The following ICAM2 variants were observed in gnomAD, a reference collection of about 807,000 sequenced individuals.
ICAM2 encodes the protein ICAM-2.
ICAM2 carries 14 observed loss-of-function variants against 19.1 expected under a neutral mutation model. The observed-to-expected ratio is 0.73, with a 90% CI of 0.48 to 1.15. The LOEUF (loss-of-function observed/expected upper bound fraction) is 1.15. Among genes scored for constraint, ICAM2 ranks in the 50% most tolerant of loss-of-function variants. The pLI is 0.00. For missense variants in ICAM2, 311 were observed against 355.4 expected, an observed-to-expected ratio of 0.88 and a Z score of 1.00; for synonymous variants, 153 against 152.7, an observed-to-expected ratio of 1.00 and a Z score of -0.01.
rs150320564 is a variant in ICAM2, at chr17:64,003,754, T to C, written c.539A>G (p.Asp180Gly). ...GAAGTTGCGGTGGCCATCCTCTCTG[T>C]CAGCCGTGCTGTTGAATGTGGCTGT... ...EATATFNSTA[D>G]REDGHRNFSC... is the part of the protein sequence containing the mutation. The change falls in exon 4 of 5, where the codon GAC becomes GGC. Residue 180 changes from aspartate (D) to glycine (G), a missense_variant. Physicochemically the swap from Asp to Gly is moderately conservative, Grantham distance 94 (BLOSUM62 -1). Coordinates refer to ENST00000579788, the MANE Select transcript of ICAM2 (RefSeq NM_001099789.2). The C allele has an allele frequency of 2.5e-4, 409 of 1,614,116 alleles. 1 individual carries two copies. Among genetic ancestry groups the C allele is most frequent in the Non-Finnish European group, 3.3e-4 (387 of 1,180,048 alleles).
rs111370153 is a variant in ICAM2 at position 64,009,171 on chromosome 17, C to T, written c.-44-2436G>A. Among the ~76,000 whole-genome samples, 631 of 152,346 alleles carry T rather than the reference C, an allele frequency of 4.1e-3. 5 individuals are homozygous for T. Among genetic ancestry groups the T allele is most frequent in the African/African-American group, 0.014 (591 of 41,576 alleles). ...CCAGTGTAGGACACTGCCTGGCACA[C>T]AGTAGGTGCTTCATCATTGTTGAAT... On this transcript the variant is annotated intron_variant, in intron 1 of 4. Transcript: ENST00000579788.
At chr17:64,019,843 A>G (rs570115328) in intron 1 of ICAM2, among the ~76,000 whole-genome samples, 1,634 of 144,808 alleles carry the variant, frequency 0.011, 11 homozygotes, top group Non-Finnish European at 0.018. Context: ...AAAAAAAAGC[A>G]GATAAGTGGT....
chr17:64,005,085 GC>G lies in ICAM2; in HGVS notation c.328+21del, dbSNP rs748986835. The G allele has an allele frequency of 9.3e-6, 15 of 1,613,696 alleles. No individual in the cohort carries two copies. The Admixed American group carries it at 1.8e-4, about 20-fold the overall frequency. The stretch of plus-strand genomic sequence containing the variant: ...AGCCTCTGTCCCAGGGGAGAGGAGG[GC>G]CCCGCAGCACAGCCACTCACGGTAC... On this transcript the variant is annotated intron_variant, in intron 3 of 4. Transcript: ENST00000579788.
chr17:64,002,849 G>T lies in ICAM2; in HGVS notation c.726C>A (p.Val242=). Residue 242 remains valine (V), a synonymous_variant, in exon 5 of 5, where the codon GTC becomes GTA. Transcript: ENST00000579788. The part of the protein sequence containing the change: ...SVLLSLFVTS[V]LLCFIFGQHL... ...GCTGGCCGAAGATGAAGCAGAGCAG[G>T]ACAGATGTCACGAACAGGGACAGCA... 1.2e-6 allele frequency: 2 copies of T among 1,614,008 alleles called. No individual in the cohort carries two copies. Among genetic ancestry groups the T allele is most frequent in the Non-Finnish European group, 1.7e-6 (2 of 1,179,990 alleles).
chr17:64,011,513 A>T (rs576431064), intron 1 of ICAM2, among the ~76,000 whole-genome samples: 3 of 152,318 alleles, frequency 2.0e-5, no homozygotes, highest in East Asian at 3.9e-4. Flanking sequence ...AGTGCCCACC[A>T]TCACTAATTA....
intron 4 of ICAM2, chr17:64,003,250 CCTT>C: frequency 2.3e-6 from 1 of 428,244 alleles, no homozygotes; most frequent in African/African-American, 2.0e-5. Flanking sequence ...CAGCCAAGCC[CCTT>C]CTTGGGCAGA....
chr17:64,006,359 T>G (rs947692628), intron 2 of ICAM2: 6 of 377,418 alleles, frequency 1.6e-5, no homozygotes, highest in Non-Finnish European at 2.9e-5. Context: ...AAAAATTAGC[T>G]GGGCATGGTG....
chr17:64,006,927 A>G (rs930370501), intron 1 of ICAM2, 192 bp from the exon 2 acceptor site: 7 of 571,894 alleles, frequency 1.2e-5, no homozygotes, highest in South Asian at 2.1e-5. Context: ...GCAGGGCATA[A>G]CCCAGTCCTC....
chr17:64,014,376 A>AAAGAAAGAAAGAAAGAAAGGAAGG (rs1567849318), intron 1 of ICAM2, among the ~76,000 whole-genome samples: 1 of 55,344 alleles, frequency 1.8e-5, no homozygotes, highest in African/African-American at 6.1e-5. Context: ...AGAAAGAAAG[A>AAAGAAAGAAAGAAAGAAAGGAAGG]AAGGAAGGAA....
Position 64,004,301 on chromosome 17 carries a change from G to A in ICAM2, c.329-337C>T, listed in dbSNP as rs553363909. ...AAACATTAAACAGTTGGGTGATCAC[G>A]TTGAGAGAGACTTAGATGGGCATTG... On this transcript the variant is annotated intron_variant, in intron 3 of 4. Coordinates refer to ENST00000579788, the MANE Select transcript of ICAM2 (RefSeq NM_001099789.2). 71 of 268,868 alleles carry A rather than the reference G, an allele frequency of 2.6e-4. 1 individual carries two copies. The highest frequency in any genetic ancestry group is 1.4e-3 in the South Asian group (26 of 18,466). 16.7% of individuals were successfully genotyped at this position (268,868 alleles called of 1,614,324 possible).
chr17:64,017,208 A>G (rs1303262951), intron 1 of ICAM2, among the ~76,000 whole-genome samples: 1 of 152,212 alleles, frequency 6.6e-6, no homozygotes, highest in African/African-American at 2.4e-5. Flanking sequence ...CCAGGTAGAA[A>G]ATCCAAAAGA....
intron 3 of ICAM2, chr17:64,004,224 A>C (rs796068394): frequency 2.9e-5 from 14 of 486,374 alleles, no homozygotes; most frequent in African/African-American, 2.7e-4. Flanking sequence ...AACTGGAAAG[A>C]TATAAAAGTT....
At chr17:64,015,105 C>T (rs1911672127) in intron 1 of ICAM2, among the ~76,000 whole-genome samples, 1 of 152,040 alleles carries the variant, frequency 6.6e-6, no homozygotes, top group Non-Finnish European at 1.5e-5. Context: ...ACAGTAGTTG[C>T]CAGGGGCTGT....
intron 1 of ICAM2, among the ~76,000 whole-genome samples, chr17:64,018,333 CAAAAAAAAAAAA>C (rs376250303): frequency 5.7e-5 from 3 of 52,736 alleles, no homozygotes; most frequent in African/African-American, 9.6e-5. Context: ...GACTCTATCT[CAAAAAAAAAAAA>C]AAAAAAAAAA....
Position 64,002,878 on chromosome 17 carries a change from C to A in ICAM2, c.697G>T (p.Val233Leu), listed in dbSNP as rs1910885541. The change falls in exon 5 of 5, where the codon GTG (valine) becomes TTG (leucine). Residue 233 changes from valine to leucine, a missense_variant. Coordinates refer to ENST00000579788, the MANE Select transcript of ICAM2 (RefSeq NM_001099789.2). ...GATGTCACGAACAGGGACAGCAACA[C>A]CGACACCACCGTGACTATGATGACC... The part of the protein sequence containing the change: ...QMVIIVTVVS[V>L]LLSLFVTSVL... 1.2e-6 allele frequency: 2 copies of A among 1,613,898 alleles called. No individual in the cohort carries two copies. Among genetic ancestry groups the A allele is most frequent in the African/African-American group, 1.3e-5 (1 of 74,920 alleles).
In ICAM2 at chr17:64,005,363, C is replaced by T. The variant is rs778296664; in HGVS notation, c.72G>A (p.Glu24=). Residue 24 remains glutamate (E), a synonymous_variant, in exon 3 of 5, where the codon GAG becomes GAA. Transcript: ENST00000579788. ...FTLICCPGSD[E]KVFEVHVRPK... The stretch of plus-strand genomic sequence containing the variant: ...GCCTCACGTGTACCTCGAATACCTT[C>T]TCATCCGATCCTGGAAAACCAGAAA... The T allele has an allele frequency of 1.1e-5, 17 of 1,612,698 alleles. No individual in the cohort carries two copies. In the South Asian group the frequency reaches 1.4e-4, roughly 14 times the overall value.
rs145567210 is a variant in ICAM2 at position 64,004,153 on chromosome 17, A to C, written c.329-189T>G. ...AGGCTGGACTGTGTGGTAGTTTTACAGACATGATGGTTTCCGGTGACCAGG... is the reference window on the plus strand; with the variant it reads ...AGGCTGGACTGTGTGGTAGTTTTACCGACATGATGGTTTCCGGTGACCAGG... On this transcript the variant is annotated intron_variant, in intron 3 of 4. Coordinates refer to ENST00000579788, the MANE Select transcript of ICAM2 (RefSeq NM_001099789.2). 3.6e-4 allele frequency: 207 copies of C among 574,394 alleles called. 1 individual carries two copies. The highest frequency in any genetic ancestry group is 3.1e-3 in the African/African-American group (169 of 53,734). The allele number at this position is 574,394 out of a possible 1,614,324, so 35.6% of individuals were successfully genotyped here.
rs1057286855 is a variant in ICAM2 at position 64,002,616 on chromosome 17, G to C, written c.*131C>G. 48 of 783,794 alleles carry C rather than the reference G, an allele frequency of 6.1e-5. No individual in the cohort carries two copies. The highest frequency in any genetic ancestry group is 9.5e-5 in the Non-Finnish European group (47 of 495,952). The allele number at this position is 783,794 out of a possible 1,614,324, so 48.6% of individuals were successfully genotyped here. A position where few individuals can be genotyped will look rare whatever the true frequency, so the allele number is the denominator to read the frequency against. ...GGGCTAAGTCCAGGTGTTTGTATTC[G>C]GGCTAGAAAAGGCAATGTCCCAAGT... On this transcript the variant is annotated 3_prime_UTR_variant, in exon 5 of 5. Transcript: ENST00000579788.
intron 3 of ICAM2, 65 bp downstream of exon 3, chr17:64,005,042 T>C: frequency 1.3e-6 from 2 of 1,577,054 alleles, no homozygotes; most frequent in Non-Finnish European, 1.7e-6. Context: ...AGGGGCTCTG[T>C]GTGCATTCAG....
Sources: gnomAD v4.1 joint callset for allele counts (sites outside exome capture counted in the v4.1 genomes callset) on GRCh38, gnomAD v4.1.1 for gene constraint, MANE v1.5 for transcripts, NCBI Gene and HGNC (gene_info 2026-07-23, HGNC 2026-07-21) for gene names.